The following MARCHF1 variants were observed in gnomAD, a reference collection of about 807,000 sequenced individuals.
MARCHF1 encodes membrane associated ring-CH-type finger 1, also known as E3 ubiquitin-protein ligase MARCHF1.
A neutral mutation model predicts 54.2 loss-of-function variants in MARCHF1; 40 were observed. That is an observed-to-expected ratio of 0.74 (90% confidence interval 0.57 to 0.96). The LOEUF is 0.96. MARCHF1 is among the 40% of genes least tolerant of loss of function. The pLI, the probability that MARCHF1 is intolerant of heterozygous loss-of-function variation, is 0.00. For synonymous variants in MARCHF1, 236 were observed against 236.3 expected (o/e 1.00, Z 0.01); for missense variants, 586 against 656.5 (o/e 0.89, Z 1.17).
intron 4 of MARCHF1, among the ~76,000 whole-genome samples, chr4:163,846,808 C>A (rs1749496848): frequency 6.6e-6 from 1 of 151,924 alleles, no homozygotes; most frequent in Admixed American, 6.6e-5. Context: ...CTTAATAGAG[C>A]TTTATAAGAA....
chr4:164,286,045 C>T (rs1456436133), intron 1 of MARCHF1, among the ~76,000 whole-genome samples: 1 of 152,022 alleles, frequency 6.6e-6, no homozygotes, highest in East Asian at 1.9e-4. Flanking sequence ...ATCAAGATTT[C>T]CCTGACAGGA....
intron 8 of MARCHF1, among the ~76,000 whole-genome samples, chr4:163,558,182 C>T (rs530126401): frequency 1.8e-4 from 27 of 152,146 alleles, no homozygotes; most frequent in African/African-American, 5.1e-4. Flanking sequence ...GATGAGGACC[C>T]CCGATTATCA....
intron 3 of MARCHF1, among the ~76,000 whole-genome samples, chr4:163,920,006 T>C (rs1751389004): frequency 6.6e-6 from 1 of 152,202 alleles, no homozygotes; most frequent in African/African-American, 2.4e-5. Context: ...TGCATTTCTT[T>C]ACATTAAAAT....
chr4:163,821,759 C>T (rs982019659), intron 4 of MARCHF1, among the ~76,000 whole-genome samples: 5 of 149,132 alleles, frequency 3.4e-5, no homozygotes, highest in African/African-American at 1.2e-4. Context: ...CAACTCAAAT[C>T]TCTTACATAT....
At chr4:164,333,258 T>G (rs1220521639) in intron 1 of MARCHF1, among the ~76,000 whole-genome samples, 1 of 152,150 alleles carries the variant, frequency 6.6e-6, no homozygotes, top group Non-Finnish European at 1.5e-5. Context: ...ATGTATATAT[T>G]TTCCTTATGT....
intron 2 of MARCHF1, among the ~76,000 whole-genome samples, chr4:164,045,101 T>TA (rs1356933781): frequency 1.3e-5 from 2 of 151,844 alleles, no homozygotes; most frequent in South Asian, 2.1e-4. Flanking sequence ...GCATAATAAC[T>TA]AAAAAAATTA....
At chr4:164,214,383 A>G (rs1202703793) in intron 1 of MARCHF1, among the ~76,000 whole-genome samples, 1 of 152,202 alleles carries the variant, frequency 6.6e-6, no homozygotes, top group African/African-American at 2.4e-5. Context: ...TCCATTTGTC[A>G]CTATAAATGA....
At chr4:164,021,733 T>G (rs1420615303) in intron 2 of MARCHF1, among the ~76,000 whole-genome samples, 1 of 152,026 alleles carries the variant, frequency 6.6e-6, no homozygotes. Context: ...GGCGGATGCC[T>G]GCAATCCCAG....
At chr4:163,987,109 A>G (rs1447393134) in intron 3 of MARCHF1, among the ~76,000 whole-genome samples, 1 of 152,190 alleles carries the variant, frequency 6.6e-6, no homozygotes, top group African/African-American at 2.4e-5. Context: ...TTCCCCACCT[A>G]ACACCAACAA....
In MARCHF1 at chr4:163,892,632, TA is replaced by T. The variant is rs534839986; in HGVS notation, c.-38-38464del. Among the ~76,000 whole-genome samples the T allele has an allele frequency of 1.6e-3, 242 of 149,740 alleles. 2 individuals are homozygous for T. Among genetic ancestry groups the T allele is most frequent in the African/African-American group, 4.9e-3 (199 of 41,026 alleles). On this transcript the variant is annotated intron_variant, in intron 3 of 9. Transcript: ENST00000514618. ...ATAAAAATAAAAAAATAAAAAAAAT[TA>T]AAAAAAAATAAAAATAATGTTAGGT... is the stretch of plus-strand genomic sequence containing the variant.
At chr4:163,750,533 TAAATAA>T (rs1746492582) in intron 4 of MARCHF1, among the ~76,000 whole-genome samples, 1 of 150,330 alleles carries the variant, frequency 6.7e-6, no homozygotes, top group African/African-American at 2.4e-5. Flanking sequence ...AATAAATAAA[TAAATAA>T]ATAAATAAAT....
intron 1 of MARCHF1, among the ~76,000 whole-genome samples, chr4:164,344,867 G>C (rs1423314445): frequency 6.6e-6 from 1 of 152,156 alleles, no homozygotes; most frequent in Non-Finnish European, 1.5e-5. Context: ...TTAGACTAAA[G>C]AAGTCCTTTG....
chr4:163,847,727 G>T (rs1749527353), intron 4 of MARCHF1, among the ~76,000 whole-genome samples: 1 of 151,346 alleles, frequency 6.6e-6, no homozygotes, highest in Non-Finnish European at 1.5e-5. Flanking sequence ...ATTACAGGTG[G>T]CTGCCACCAG....
At chr4:163,991,018 T>C (rs530081521) in intron 2 of MARCHF1, among the ~76,000 whole-genome samples, 12 of 152,336 alleles carry the variant, frequency 7.9e-5, no homozygotes, top group African/African-American at 2.9e-4. Context: ...TTGTTTGCTA[T>C]GAGATTTTTC....
intron 2 of MARCHF1, among the ~76,000 whole-genome samples, chr4:164,075,856 C>G (rs1301768470): frequency 6.6e-6 from 1 of 152,170 alleles, no homozygotes; most frequent in Non-Finnish European, 1.5e-5. Context: ...CTGAACCTAT[C>G]TCCCTCTAGA....
intron 3 of MARCHF1, among the ~76,000 whole-genome samples, chr4:163,945,700 G>A (rs1752009840): frequency 6.6e-6 from 1 of 152,104 alleles, no homozygotes; most frequent in Non-Finnish European, 1.5e-5. Flanking sequence ...CATTTATTGA[G>A]TAATCTTGAT....
chr4:164,153,057 A>G (rs1729985925), intron 1 of MARCHF1, among the ~76,000 whole-genome samples: 1 of 152,180 alleles, frequency 6.6e-6, no homozygotes, highest in African/African-American at 2.4e-5. Flanking sequence ...AGCCATGATC[A>G]CTCATATTTA....
At chr4:164,271,442 T>C (rs1733743622) in intron 1 of MARCHF1, among the ~76,000 whole-genome samples, 1 of 152,164 alleles carries the variant, frequency 6.6e-6, no homozygotes, top group African/African-American at 2.4e-5. Context: ...GCTGATGTTC[T>C]CTAGAAGGTA....
rs1730143684 is a variant in MARCHF1, at chr4:164,347,560, C to T, written c.-323+36310G>A. Reference sequence around the variant, plus strand: ...CATATTGCTAAAAGGCAACTTGTTCCGTTTTCCAAAGTGGGCTAATTATTT... The same window carrying T: ...CATATTGCTAAAAGGCAACTTGTTCTGTTTTCCAAAGTGGGCTAATTATTT... On this transcript the variant is annotated intron_variant, in intron 1 of 9. Coordinates refer to ENST00000514618, the MANE Select transcript of MARCHF1 (RefSeq NM_001394959.1). 3.3e-5 allele frequency among the ~76,000 whole-genome samples: 5 copies of T among 151,996 alleles called. No individual in the cohort carries two copies. In the South Asian group the frequency reaches 6.2e-4, roughly 19 times the overall value.
Sources: gnomAD v4.1 joint callset for allele counts (sites outside exome capture counted in the v4.1 genomes callset) on GRCh38, gnomAD v4.1.1 for gene constraint, MANE v1.5 for transcripts, NCBI Gene and HGNC (gene_info 2026-07-23, HGNC 2026-07-21) for gene names.